KLHL29: variants seen among roughly 807,000 people sequenced by gnomAD.
KLHL29 encodes kelch-like protein 29.
Under a neutral mutation model 80.4 loss-of-function variants are expected in KLHL29, and 21 were observed. The ratio of observed to expected loss-of-function variants is 0.26; its 90% CI spans 0.19 to 0.38. The LOEUF (loss-of-function observed/expected upper bound fraction) is 0.38. KLHL29 is among the 10% of genes least tolerant of loss of function. The pLI, the probability that KLHL29 is intolerant of heterozygous loss-of-function variation, is 1.00. For synonymous variants in KLHL29, 511 were observed against 526.8 expected (o/e 0.97, Z 0.41); for missense variants, 867 against 1,223.9 (o/e 0.71, Z 4.35).
intron 5 of KLHL29, 58 bp downstream of exon 5, chr2:23,642,908 T>G: frequency 6.5e-7 from 1 of 1,536,684 alleles, no homozygotes; most frequent in Non-Finnish European, 8.8e-7. Flanking sequence ...CCCTGCGCGG[T>G]CACTGCAACA....
chr2:23,579,317 C>T (rs1347270379), intron 3 of KLHL29, among the ~76,000 whole-genome samples: 3 of 152,184 alleles, frequency 2.0e-5, no homozygotes, highest in Admixed American at 6.5e-5. Flanking sequence ...TTTTTTACTT[C>T]GAAGCCTGTG....
intron 11 of KLHL29, chr2:23,697,960 G>A (rs1392681202): frequency 6.6e-6 from 1 of 152,210 alleles, no homozygotes; most frequent in East Asian, 1.9e-4. Flanking sequence ...TCTTGCTTTT[G>A]TCGGCTATTT....
chr2:23,702,857 T>G (rs1163980650), intron 11 of KLHL29, among the ~76,000 whole-genome samples: 1 of 152,248 alleles, frequency 6.6e-6, no homozygotes, highest in Non-Finnish European at 1.5e-5. Flanking sequence ...CAGTCCAGCA[T>G]TGCGGAATGC....
intron 2 of KLHL29, among the ~76,000 whole-genome samples, chr2:23,477,550 G>A (rs1160367046): frequency 4.6e-5 from 7 of 152,270 alleles, no homozygotes; most frequent in African/African-American, 1.7e-4. Flanking sequence ...CAGCAGCCCA[G>A]TGGGGGCAGC....
At chr2:23,410,691 C>T (rs1053331462) in intron 1 of KLHL29, among the ~76,000 whole-genome samples, 2 of 152,070 alleles carry the variant, frequency 1.3e-5, no homozygotes, top group Non-Finnish European at 2.9e-5. Flanking sequence ...CTTGTGACGA[C>T]ACTCTGACTT....
chr2:23,501,282 C>G (rs1025782729), intron 2 of KLHL29, among the ~76,000 whole-genome samples: 7 of 151,936 alleles, frequency 4.6e-5, no homozygotes, highest in African/African-American at 1.7e-4. Context: ...GTATCAGCCC[C>G]CTATTCCTGC....
intron 1 of KLHL29, among the ~76,000 whole-genome samples, chr2:23,424,002 T>G (rs535784234): frequency 4.1e-4 from 62 of 152,296 alleles, no homozygotes; most frequent in African/African-American, 8.2e-4. Context: ...GCTGTCCACC[T>G]GTCACACCCA....
At chr2:23,441,663 A>C in intron 1 of KLHL29, among the ~76,000 whole-genome samples, 1 of 152,186 alleles carries the variant, frequency 6.6e-6, no homozygotes, top group East Asian at 1.9e-4. Flanking sequence ...ATGCACTTCC[A>C]AGATGGCTCA....
chr2:23,600,580 G>A (rs890084684), intron 3 of KLHL29, among the ~76,000 whole-genome samples: 6 of 152,172 alleles, frequency 3.9e-5, no homozygotes, highest in African/African-American at 1.2e-4. Flanking sequence ...CAAAGGGGGC[G>A]TTGTTCCTCT....
intron 1 of KLHL29, among the ~76,000 whole-genome samples, chr2:23,472,133 T>C (rs1232652254): frequency 1.3e-5 from 1 of 76,740 alleles, no homozygotes; most frequent in African/African-American, 5.2e-5. Flanking sequence ...GGCGTGGGGG[T>C]TGGGTGGGTG....
chr2:23,435,648 A>C (rs534363116), intron 1 of KLHL29, among the ~76,000 whole-genome samples: 1 of 152,344 alleles, frequency 6.6e-6, no homozygotes, highest in South Asian at 2.1e-4. Flanking sequence ...AACTTAAATT[A>C]ACTGTTTTTG....
In KLHL29 at chr2:23,503,076, T is replaced by G. The variant is rs1665500169; in HGVS notation, c.-46+27409T>G. Among the ~76,000 whole-genome samples, 1 of 152,242 alleles carries G rather than the reference T, an allele frequency of 6.6e-6. No individual in the cohort carries two copies. The highest frequency in any genetic ancestry group is 2.1e-4 in the South Asian group (1 of 4,832). On this transcript the variant is annotated intron_variant, in intron 2 of 13. Transcript: ENST00000486442. The surrounding 1 kb of genome is among the most constrained non-coding windows in gnomAD (Gnocchi z 4.0). ...AAAATAACCTGAGAATAGATGTGTT[T>G]TGTTTGAATGTCGTAGTTGTGCCCT...
intron 1 of KLHL29, among the ~76,000 whole-genome samples, chr2:23,441,831 TC>T (rs1406170561): frequency 2.0e-5 from 3 of 152,186 alleles, no homozygotes; most frequent in Non-Finnish European, 2.9e-5. Flanking sequence ...TACTAAAAGT[TC>T]TAAGAGAACA....
intron 1 of KLHL29, among the ~76,000 whole-genome samples, chr2:23,459,549 C>T (rs1365323752): frequency 6.6e-6 from 1 of 152,122 alleles, no homozygotes; most frequent in Non-Finnish European, 1.5e-5. Context: ...ACCAATGAAG[C>T]AGGATTAAAA....
At position 23,706,949 on chromosome 2, in the gene KLHL29, G is replaced by GT. The variant is rs768208889; in HGVS notation, c.*286dup. On this transcript the variant is annotated 3_prime_UTR_variant, in exon 14 of 14. Transcript: ENST00000486442. ...TCTGCCAGGTGCAATAGAGTTTCAC[G>GT]TATTTTTCAACTGGGAGAGAGAAGC... is the stretch of plus-strand genomic sequence containing the variant. The GT allele has an allele frequency of 1.4e-4, 41 of 298,920 alleles. No individual in the cohort carries two copies. Among genetic ancestry groups the GT allele is most frequent in the Non-Finnish European group, 2.2e-4 (36 of 163,548 alleles). 18.5% of individuals were successfully genotyped at this position (298,920 alleles called of 1,614,324 possible).
At chr2:23,677,172 T>C (rs181583477) in intron 5 of KLHL29, among the ~76,000 whole-genome samples, 11 of 152,328 alleles carry the variant, frequency 7.2e-5, no homozygotes, top group Admixed American at 7.2e-4. Context: ...TGGAAGGCAG[T>C]CTTCAGTCCC....
chr2:23,507,466 C>G (rs935283853), intron 2 of KLHL29, among the ~76,000 whole-genome samples: 1 of 152,242 alleles, frequency 6.6e-6, no homozygotes. Flanking sequence ...TCTCCTGCTG[C>G]CTGTCCTTAA....
intron 2 of KLHL29, among the ~76,000 whole-genome samples, chr2:23,544,925 A>T (rs1709333): frequency 1.3e-5 from 2 of 151,974 alleles, no homozygotes; most frequent in Admixed American, 6.5e-5. Flanking sequence ...GCTTTTTCTT[A>T]GGGTAGGATG....
Position 23,500,910 on chromosome 2 carries a change from A to C in KLHL29, c.-46+25243A>C, listed in dbSNP as rs895157051. Reference sequence around the variant, plus strand: ...TTTTAAGATTTGAATATTTTTATAAATCATGATTATGCTACTGTTTAATGA... The same window carrying C: ...TTTTAAGATTTGAATATTTTTATAACTCATGATTATGCTACTGTTTAATGA... On this transcript the variant is annotated intron_variant, in intron 2 of 13. Coordinates refer to ENST00000486442, the MANE Select transcript of KLHL29 (RefSeq NM_052920.2). 3.3e-5 allele frequency among the ~76,000 whole-genome samples: 5 copies of C among 152,120 alleles called. No homozygotes were observed. The East Asian group carries it at 9.6e-4, about 29-fold the overall frequency.
Sources: gnomAD v4.1 joint callset for allele counts (sites outside exome capture counted in the v4.1 genomes callset) on GRCh38, gnomAD v4.1.1 for gene constraint, Gnocchi (gnomAD v3.1) non-coding constraint, MANE v1.5 for transcripts, NCBI Gene and HGNC (gene_info 2026-07-23, HGNC 2026-07-21) for gene names.